The following HERC3 variants were observed in gnomAD, a reference collection of about 807,000 sequenced individuals.
HERC3 encodes the protein probable E3 ubiquitin-protein ligase HERC3.
Under a neutral mutation model 129.9 loss-of-function variants are expected in HERC3, and 58 were observed. The ratio of observed to expected loss-of-function variants is 0.45; its 90% CI spans 0.36 to 0.56. The LOEUF (loss-of-function observed/expected upper bound fraction) is 0.56, where lower values mean the gene tolerates loss of function less well. HERC3 is among the 20% of genes least tolerant of loss of function. The pLI is 0.00. For synonymous variants in HERC3, 430 were observed against 451.0 expected, an observed-to-expected ratio of 0.95 and a Z score of 0.59; for missense variants, 835 against 1,244.2, an observed-to-expected ratio of 0.67 and a Z score of 4.95.
At chr4:88,545,392 G>A in the HERC3 span, among the ~76,000 whole-genome samples, 1 of 135,516 alleles carries the variant, frequency 7.4e-6, no homozygotes, top group Non-Finnish European at 1.6e-5. Context: ...ATTTAAATTT[G>A]TGTAATTATT....
At chr4:88,606,117 C>A in intron 3 of HERC3, 68 bp downstream of exon 3, 3 of 1,256,640 alleles carry the variant, frequency 2.4e-6, no homozygotes, top group South Asian at 1.4e-5. Context: ...TGGCAGAGGG[C>A]CCAGATGGAG....
At chr4:88,679,172 A>G (rs1307920824) in intron 19 of HERC3, among the ~76,000 whole-genome samples, 1 of 152,196 alleles carries the variant, frequency 6.6e-6, no homozygotes, top group African/African-American at 2.4e-5. Context: ...TTAGGTTTAC[A>G]GAGTTTAACA....
rs1223777250 is a variant in HERC3, at chr4:88,706,868, C to A, written c.3061C>A (p.Leu1021Ile). ...GCCGGTGGCCCACACTTGCTACAAC[C>A]TTCTTGACCTCCCCAAGTACAGCAG... Reference protein sequence around the residue: ...YLPVAHTCYNLLDLPKYSSKE... With the variant: ...YLPVAHTCYNILDLPKYSSKE... The change falls in exon 26 of 26, where the codon CTT (leucine) becomes ATT (isoleucine). Residue 1021 changes from leucine (L) to isoleucine (I), a missense_variant. Transcript: ENST00000402738. The A allele has an allele frequency of 6.2e-7, 1 of 1,614,148 alleles. No homozygotes were observed. Among genetic ancestry groups the A allele is most frequent in the Admixed American group, 1.7e-5 (1 of 60,030 alleles).
chr4:88,624,971 C>T (rs1725932925), intron 3 of HERC3, among the ~76,000 whole-genome samples: 1 of 152,128 alleles, frequency 6.6e-6, no homozygotes, highest in Admixed American at 6.6e-5. Context: ...CCCCCTGCTC[C>T]CTTGCATTAT....
chr4:88,666,516 C>T (rs952724994), intron 12 of HERC3, among the ~76,000 whole-genome samples: 12 of 151,868 alleles, frequency 7.9e-5, no homozygotes, highest in African/African-American at 1.2e-4. Flanking sequence ...CATAGGGTTC[C>T]GATACATATA....
intron 18 of HERC3, among the ~76,000 whole-genome samples, chr4:88,676,899 T>C (rs550214347): frequency 1.3e-5 from 2 of 152,094 alleles, no homozygotes; most frequent in Admixed American, 6.5e-5. Flanking sequence ...TCCTAACACT[T>C]TGGGAGGCCG....
At chr4:88,553,817 T>C in the HERC3 span, among the ~76,000 whole-genome samples, 5 of 152,216 alleles carry the variant, frequency 3.3e-5, no homozygotes, top group Non-Finnish European at 5.9e-5. Flanking sequence ...ATTACAGGCA[T>C]GAGCCACTGC....
At chr4:88,623,691 G>C (rs1725787778) in intron 3 of HERC3, among the ~76,000 whole-genome samples, 1 of 152,148 alleles carries the variant, frequency 6.6e-6, no homozygotes, top group Non-Finnish European at 1.5e-5. Context: ...CATGGGTGCA[G>C]AACCACATGT....
chr4:88,634,557 C>T (rs1409076546), intron 3 of HERC3, among the ~76,000 whole-genome samples: 1 of 152,190 alleles, frequency 6.6e-6, no homozygotes, highest in Admixed American at 6.5e-5. Context: ...AGTCTTTCCT[C>T]CTGCGAGCAC....
chr4:88,553,740 G>A, the HERC3 span, among the ~76,000 whole-genome samples: 4 of 152,290 alleles, frequency 2.6e-5, no homozygotes, highest in African/African-American at 9.6e-5. Flanking sequence ...GTTTTACCAT[G>A]TTGGCCAGAA....
intron 4 of HERC3, among the ~76,000 whole-genome samples, chr4:88,651,467 C>T (rs1482709122): frequency 6.6e-6 from 1 of 152,184 alleles, no homozygotes; most frequent in Non-Finnish European, 1.5e-5. Flanking sequence ...TTCTAAGCCT[C>T]AGTTTCCTAA....
At chr4:88,634,722 T>G (rs1179298416) in intron 3 of HERC3, among the ~76,000 whole-genome samples, 4 of 137,322 alleles carry the variant, frequency 2.9e-5, no homozygotes, top group African/African-American at 1.1e-4. Context: ...ACAGGGGTTG[T>G]CAGACATCCT....
At chr4:88,586,191 G>A in the HERC3 span, among the ~76,000 whole-genome samples, 1 of 152,158 alleles carries the variant, frequency 6.6e-6, no homozygotes, top group Admixed American at 6.5e-5. Context: ...TCAACAGGGG[G>A]AAGTTGGTTA....
chr4:88,644,794 G>T (rs1229760316), intron 3 of HERC3, among the ~76,000 whole-genome samples: 3 of 152,020 alleles, frequency 2.0e-5, no homozygotes, highest in Non-Finnish European at 4.4e-5. Context: ...AGCTGACTCT[G>T]GTTTCAGTGC....
chr4:88,540,789 T>G, the HERC3 span, among the ~76,000 whole-genome samples: 2 of 152,150 alleles, frequency 1.3e-5, no homozygotes, highest in African/African-American at 4.8e-5. Context: ...GGAGCCAATA[T>G]TCAACATTCT....
chr4:88,576,637 T>C, the HERC3 span, among the ~76,000 whole-genome samples: 1 of 152,200 alleles, frequency 6.6e-6, no homozygotes, highest in Non-Finnish European at 1.5e-5. Context: ...CATTAATGTG[T>C]GCGTGTGTGT....
At chr4:88,686,962 G>T (rs1255116505) in intron 22 of HERC3, among the ~76,000 whole-genome samples, 160 bp downstream of exon 22, 1 of 152,206 alleles carries the variant, frequency 6.6e-6, no homozygotes, top group Non-Finnish European at 1.5e-5. Context: ...TAGGGGTTCA[G>T]TGGGCGTGTT....
chr4:88,630,294 C>T (rs1726597634), intron 3 of HERC3, among the ~76,000 whole-genome samples: 2 of 152,092 alleles, frequency 1.3e-5, no homozygotes, highest in Non-Finnish European at 2.9e-5. Context: ...AGAAATGAAA[C>T]AGTTTATGTT....
At chr4:88,572,891 A>C in the HERC3 span, among the ~76,000 whole-genome samples, 1 of 152,228 alleles carries the variant, frequency 6.6e-6, no homozygotes, top group Admixed American at 6.5e-5. Flanking sequence ...GGGAAAACTT[A>C]ATCATAAACT....
Sources: allele counts gnomAD v4.1 joint callset (sites outside exome capture counted in the v4.1 genomes callset), GRCh38; gene constraint gnomAD v4.1.1; transcripts MANE v1.5; gene names NCBI Gene and HGNC (gene_info 2026-07-23, HGNC 2026-07-21).